Variants in DNAH7 observed in about 807,000 individuals in gnomAD.
DNAH7 encodes axonemal beta dynein heavy chain 7.
Under a neutral mutation model 444.6 loss-of-function variants are expected in DNAH7, and 397 were observed. The observed-to-expected ratio is 0.89, with a 90% confidence interval of 0.82 to 0.97. The LOEUF (loss-of-function observed/expected upper bound fraction) is 0.97, where lower values mean the gene tolerates loss of function less well. Among genes scored for constraint, DNAH7 ranks in the 50% least tolerant of loss-of-function variants. DNAH7 has a pLI of 0.00. For missense variants in DNAH7, 4,902 were observed against 4,800.8 expected (o/e 1.02, Z -0.62); for synonymous variants, 1,636 against 1,624.4 (o/e 1.01, Z -0.17).
chr2:195,915,947 T>C (rs1687648140), intron 24 of DNAH7, among the ~76,000 whole-genome samples: 1 of 152,228 alleles, frequency 6.6e-6, no homozygotes, highest in African/African-American at 2.4e-5. Context: ...TCCATTACTT[T>C]AGCTCTTTAG....
rs1298877842 is a variant in DNAH7, at chr2:196,026,745, A to C, written c.667+15T>G. 6.4e-7 allele frequency: 1 copy of C among 1,574,016 alleles called. No individual in the cohort carries two copies. The highest frequency in any genetic ancestry group is 8.7e-7 in the Non-Finnish European group (1 of 1,149,362). ...ACATATTTGAATTAAAAATCAAAGC[A>C]TAATACCAATTTACCTATGGATTTC... is the stretch of plus-strand genomic sequence containing the variant. On this transcript the variant is annotated intron_variant, in intron 7 of 64. Coordinates refer to ENST00000312428, the MANE Select transcript of DNAH7 (RefSeq NM_018897.3).
intron 5 of DNAH7, among the ~76,000 whole-genome samples, chr2:196,043,247 A>T (rs1400923242): frequency 6.6e-6 from 1 of 152,102 alleles, no homozygotes; most frequent in Non-Finnish European, 1.5e-5. Flanking sequence ...AAGGGAAAAA[A>T]AAGCCTATCT....
At chr2:195,946,793 G>C (rs1338579547) in intron 19 of DNAH7, among the ~76,000 whole-genome samples, 1 of 152,052 alleles carries the variant, frequency 6.6e-6, no homozygotes, top group Non-Finnish European at 1.5e-5. Flanking sequence ...GAGAGAAGTA[G>C]AGTGGGAGAG....
At chr2:195,772,417 T>C (rs1694881954) in intron 60 of DNAH7, among the ~76,000 whole-genome samples, 1 of 152,152 alleles carries the variant, frequency 6.6e-6, no homozygotes, top group South Asian at 2.1e-4. Context: ...CTGGAAGAGT[T>C]ATGGACGAAA....
At chr2:195,829,897 C>A (rs1185827935) in intron 48 of DNAH7, among the ~76,000 whole-genome samples, 1 of 151,568 alleles carries the variant, frequency 6.6e-6, no homozygotes, top group Non-Finnish European at 1.5e-5. Context: ...AGAAATATAT[C>A]CTTAGTACTG....
At position 195,900,744 on chromosome 2, in the gene DNAH7, G is replaced by A. The variant is rs182872322; in HGVS notation, c.4336-250C>T. ...TTCTAGTGTACTGTAGCACTGTGGGGTGACTATAGTTAAAAATAATTTATT... is the reference window on the plus strand; with the variant it reads ...TTCTAGTGTACTGTAGCACTGTGGGATGACTATAGTTAAAAATAATTTATT... On this transcript the variant is annotated intron_variant, in intron 27 of 64. Transcript: ENST00000312428. 2.9e-3 allele frequency: 898 copies of A among 314,256 alleles called. 3 individuals are homozygous for A. The highest frequency in any genetic ancestry group is 4.0e-3 in the Non-Finnish European group (670 of 169,292). 19.5% of individuals were successfully genotyped at this position (314,256 alleles called of 1,614,324 possible).
chr2:195,975,069 C>T (rs1692093865), intron 15 of DNAH7, among the ~76,000 whole-genome samples: 2 of 152,210 alleles, frequency 1.3e-5, no homozygotes, highest in Admixed American at 1.3e-4. Context: ...GAAGCCTCCA[C>T]TGATCATTCT....
chr2:195,885,815 G>A (rs898453024), intron 34 of DNAH7, among the ~76,000 whole-genome samples: 1 of 152,130 alleles, frequency 6.6e-6, no homozygotes, highest in Non-Finnish European at 1.5e-5. Flanking sequence ...TTGGAAAGGA[G>A]GTAAATCTCA....
intron 2 of DNAH7, among the ~76,000 whole-genome samples, chr2:196,051,563 C>A (rs192155573): frequency 1.3e-5 from 2 of 152,022 alleles, no homozygotes; most frequent in Admixed American, 1.3e-4. Context: ...GTCAGGAGAT[C>A]GAGACCATCC....
At chr2:195,913,356 T>C (rs1299681370) in intron 24 of DNAH7, among the ~76,000 whole-genome samples, 3 of 152,118 alleles carry the variant, frequency 2.0e-5, no homozygotes, top group Non-Finnish European at 2.9e-5. Context: ...AGATAACCTT[T>C]AAGAGAATAG....
intron 47 of DNAH7, among the ~76,000 whole-genome samples, chr2:195,842,480 A>G (rs549136558): frequency 3.9e-5 from 6 of 152,292 alleles, no homozygotes; most frequent in Admixed American, 3.9e-4. Context: ...CTGCACAGGT[A>G]AAGAAGATAC....
At chr2:195,783,333 TA>T (rs1310379039) in intron 58 of DNAH7, among the ~76,000 whole-genome samples, 1 of 152,202 alleles carries the variant, frequency 6.6e-6, no homozygotes, top group Non-Finnish European at 1.5e-5. Flanking sequence ...CTTAAAATGA[TA>T]GAAATTTATT....
chr2:196,021,702 G>T (rs1334874215), intron 8 of DNAH7, among the ~76,000 whole-genome samples: 2 of 151,770 alleles, frequency 1.3e-5, no homozygotes, highest in Non-Finnish European at 2.9e-5. Flanking sequence ...CGCACCTGTG[G>T]TCCCAACTCC....
chr2:195,864,113 T>C (rs1222378719), intron 41 of DNAH7, 36 bp downstream of exon 41: 1 of 1,589,760 alleles, frequency 6.3e-7, no homozygotes. Flanking sequence ...AAATTCAACA[T>C]TTCTAGAAGT....
At chr2:195,864,125 T>C (rs749132295) in intron 41 of DNAH7, 24 bp downstream of exon 41, 10 of 1,595,300 alleles carry the variant, frequency 6.3e-6, no homozygotes, top group South Asian at 5.5e-5. Context: ...TCTAGAAGTC[T>C]ATCTAAAATG....
intron 63 of DNAH7, among the ~76,000 whole-genome samples, chr2:195,751,779 A>G (rs139405289): frequency 2.4e-4 from 36 of 152,330 alleles, no homozygotes; most frequent in African/African-American, 8.4e-4. Context: ...CATTGTCACC[A>G]TAAGGGGTCT....
intron 60 of DNAH7, 120 bp downstream of exon 60, chr2:195,775,726 C>T: frequency 1.8e-6 from 2 of 1,142,210 alleles, no homozygotes; most frequent in Middle Eastern, 3.0e-4. Flanking sequence ...TTTGTCTTTT[C>T]CTTTAAATGT....
chr2:195,928,587 C>T (rs1229064235), intron 21 of DNAH7, among the ~76,000 whole-genome samples: 3 of 151,980 alleles, frequency 2.0e-5, no homozygotes, highest in East Asian at 1.9e-4. Flanking sequence ...AGACATGGGC[C>T]GTTATCACAC....
chr2:195,947,736 T>C (rs1038755692), intron 19 of DNAH7, among the ~76,000 whole-genome samples: 4 of 152,214 alleles, frequency 2.6e-5, no homozygotes, highest in African/African-American at 9.7e-5. Flanking sequence ...CTATTGTGAA[T>C]AGTGCTGCAA....
Sources: gnomAD v4.1 joint callset for allele counts (sites outside exome capture counted in the v4.1 genomes callset) on GRCh38, gnomAD v4.1.1 for gene constraint, MANE v1.5 for transcripts, NCBI Gene and HGNC (gene_info 2026-07-23, HGNC 2026-07-21) for gene names.